Variants in WWC2 observed in about 807,000 individuals in gnomAD.
The protein encoded by WWC2 is WW and C2 domain containing 2.
WWC2 carries 101 observed loss-of-function variants against 138.5 expected under a neutral mutation model. The observed-to-expected ratio is 0.73, with a 90% confidence interval of 0.62 to 0.86. The LOEUF is 0.86. Ranked by LOEUF, WWC2 falls within the 40% of genes least tolerant of loss-of-function variation. WWC2 has a pLI of 0.00. For missense variants in WWC2, 1,420 were observed against 1,419.4 expected (o/e 1.00, Z -0.01); for synonymous variants, 558 against 538.4 (o/e 1.04, Z -0.50).
Position 183,317,445 on chromosome 4 carries a change from AG to A in WWC2, c.*1718del, listed in dbSNP as rs1739476649. On this transcript the variant is annotated 3_prime_UTR_variant, in exon 23 of 23. Transcript: ENST00000403733. ...TGAATTGACTGAGTACAGTCCTTTA[AG>A]GCTGCCCAGTTCATTCTATTAGATG... is the stretch of plus-strand genomic sequence containing the variant. 6.6e-6 allele frequency: 1 copy of A among 152,654 alleles called. No individual in the cohort carries two copies. Among genetic ancestry groups the A allele is most frequent in the South Asian group, 2.1e-4 (1 of 4,836 alleles). 9.5% of individuals were successfully genotyped at this position (152,654 alleles called of 1,614,324 possible).
chr4:183,233,148 CTTTTTTTTTTTTT>C (rs543576361), intron 4 of WWC2, among the ~76,000 whole-genome samples: 6 of 84,810 alleles, frequency 7.1e-5, no homozygotes, highest in Admixed American at 2.5e-4. Context: ...CTTTTTAAAC[CTTTTTTTTTTTTT>C]TTTTTTTTTT....
intron 15 of WWC2, chr4:183,269,873 C>T (rs890282325): frequency 3.0e-5 from 5 of 164,048 alleles, no homozygotes; most frequent in Admixed American, 1.2e-4. Context: ...CACTGTTGTG[C>T]GTAATAACCA....
chr4:183,298,210 A>C (rs918985650), intron 21 of WWC2, among the ~76,000 whole-genome samples: 2 of 152,244 alleles, frequency 1.3e-5, no homozygotes, highest in Non-Finnish European at 2.9e-5. Flanking sequence ...CAGTCTTAAT[A>C]ATTTGTATTC....
intron 21 of WWC2, among the ~76,000 whole-genome samples, chr4:183,311,099 A>G (rs6849819): frequency 0.21 from 31,865 of 152,132 alleles, 3,640 homozygotes; most frequent in Non-Finnish European, 0.26. Flanking sequence ...CTCTTCACCA[A>G]CTTATACCAC....
At chr4:183,310,400 A>G (rs534369066) in intron 21 of WWC2, among the ~76,000 whole-genome samples, 2 of 152,322 alleles carry the variant, frequency 1.3e-5, no homozygotes, top group East Asian at 3.9e-4. Flanking sequence ...TATGTGACGA[A>G]GGTTTAACCT....
At chr4:183,230,558 T>A (rs947075003) in intron 4 of WWC2, among the ~76,000 whole-genome samples, 1 of 152,124 alleles carries the variant, frequency 6.6e-6, no homozygotes, top group Non-Finnish European at 1.5e-5. Context: ...ACGCCTGTAA[T>A]CCCAGCTATT....
intron 1 of WWC2, among the ~76,000 whole-genome samples, chr4:183,101,367 C>G (rs1364922291): frequency 6.6e-6 from 1 of 152,172 alleles, no homozygotes; most frequent in Non-Finnish European, 1.5e-5. Flanking sequence ...ATTTTAAACT[C>G]TTAATGGATT....
At chr4:183,110,767 G>A (rs1296504120) in intron 1 of WWC2, among the ~76,000 whole-genome samples, 2 of 152,156 alleles carry the variant, frequency 1.3e-5, no homozygotes, top group African/African-American at 4.8e-5. Flanking sequence ...TTGTGAAAAT[G>A]AGTATGTCAA....
chr4:183,170,913 C>G (rs1340367635), intron 1 of WWC2, among the ~76,000 whole-genome samples: 2 of 151,706 alleles, frequency 1.3e-5, no homozygotes, highest in Non-Finnish European at 2.9e-5. Context: ...CTCTGAGCTT[C>G]AAGTGATCCT....
intron 2 of WWC2, among the ~76,000 whole-genome samples, chr4:183,207,474 T>C (rs1735477158): frequency 6.6e-6 from 1 of 152,154 alleles, no homozygotes; most frequent in African/African-American, 2.4e-5. Context: ...TTACAAAATG[T>C]TTTCTATTTC....
intron 4 of WWC2, among the ~76,000 whole-genome samples, chr4:183,213,042 C>T (rs1040217150): frequency 1.3e-5 from 2 of 152,232 alleles, no homozygotes; most frequent in African/African-American, 4.8e-5. Context: ...TCAGAAATGA[C>T]ACTGGCTTCA....
chr4:183,315,573 T>C, intron 22 of WWC2, 90 bp from the exon 23 acceptor site: 1 of 936,162 alleles, frequency 1.1e-6, no homozygotes, highest in Non-Finnish European at 1.6e-6. Context: ...GAGACATCAC[T>C]GCCACTGCAG....
chr4:183,176,748 A>T (rs571000767), intron 1 of WWC2, among the ~76,000 whole-genome samples: 2 of 151,958 alleles, frequency 1.3e-5, no homozygotes. Context: ...TTGTTTTTTT[A>T]AATTTTTTTG....
chr4:183,310,946 C>G (rs147303813), intron 21 of WWC2, among the ~76,000 whole-genome samples: 1 of 151,152 alleles, frequency 6.6e-6, no homozygotes. Context: ...ATTTAAACTT[C>G]ACAACTTTGA....
At chr4:183,116,674 C>T (rs930278704) in intron 1 of WWC2, among the ~76,000 whole-genome samples, 2 of 152,228 alleles carry the variant, frequency 1.3e-5, no homozygotes, top group African/African-American at 4.8e-5. Context: ...ACAACTTAGC[C>T]ACACATAATC....
intron 1 of WWC2, among the ~76,000 whole-genome samples, chr4:183,187,408 G>T (rs1433383921): frequency 1.3e-5 from 2 of 150,444 alleles, no homozygotes; most frequent in Admixed American, 6.6e-5. Flanking sequence ...ACAAAAATTA[G>T]CTGGGCATGG....
intron 5 of WWC2, among the ~76,000 whole-genome samples, chr4:183,240,807 C>G (rs751083107): frequency 6.6e-6 from 1 of 152,188 alleles, no homozygotes; most frequent in African/African-American, 2.4e-5. Flanking sequence ...CTTCCTGGTT[C>G]CTCTACCTTT....
At chr4:183,311,481 C>T (rs1739238940) in intron 21 of WWC2, among the ~76,000 whole-genome samples, 1 of 151,958 alleles carries the variant, frequency 6.6e-6, no homozygotes, top group Admixed American at 6.6e-5. Flanking sequence ...CGGGGCAGAG[C>T]GGGAAGGGCA....
intron 16 of WWC2, 43 bp downstream of exon 16, chr4:183,271,284 C>T (rs532708744): frequency 1.3e-6 from 2 of 1,494,686 alleles, no homozygotes; most frequent in East Asian, 4.8e-5. Flanking sequence ...ATGTGAAATA[C>T]ATATATGAAA....
Sources: gnomAD v4.1 joint callset for allele counts (sites outside exome capture counted in the v4.1 genomes callset) on GRCh38, gnomAD v4.1.1 for gene constraint, MANE v1.5 for transcripts, NCBI Gene and HGNC (gene_info 2026-07-23, HGNC 2026-07-21) for gene names.